The following AKAP13 variants were observed in gnomAD, a reference collection of about 807,000 sequenced individuals.
The protein encoded by AKAP13 is A-kinase anchor protein 13.
In AKAP13, 80 loss-of-function variants were observed where a neutral mutation model predicts 264.5. The observed-to-expected ratio is 0.30, with a 90% CI of 0.25 to 0.36. The LOEUF is 0.36. Among genes scored for constraint, AKAP13 ranks in the 10% least tolerant of loss-of-function variants. The probability of loss-of-function intolerance (pLI) is 1.00; values close to 1 mark genes in which losing one functional copy is unlikely to be tolerated. For missense variants in AKAP13, 3,712 were observed against 3,435.2 expected (o/e 1.08, Z -2.01); for synonymous variants, 1,380 against 1,250.2 (o/e 1.10, Z -2.19).
Position 85,570,786 on chromosome 15 carries a change from A to G in AKAP13, c.663-4345A>G, listed in dbSNP as rs145269489. Among the ~76,000 whole-genome samples the G allele has an allele frequency of 6.3e-3, 961 of 152,220 alleles. 11 individuals are homozygous for G. The highest frequency in any genetic ancestry group is 0.022 in the African/African-American group (900 of 41,508). On this transcript the variant is annotated intron_variant, in intron 5 of 36. Coordinates refer to ENST00000394518, the MANE Select transcript of AKAP13 (RefSeq NM_007200.5). Reference sequence around the variant, plus strand: ...TCGACAGGGTTGAATAAGGATTCCTACCGCTGGAGTGGGGAAGGAGCTAGT... The same window carrying G: ...TCGACAGGGTTGAATAAGGATTCCTGCCGCTGGAGTGGGGAAGGAGCTAGT...
intron 4 of AKAP13, 54 bp downstream of exon 4, chr15:85,533,934 T>G: frequency 6.7e-7 from 1 of 1,497,442 alleles, no homozygotes; most frequent in South Asian, 1.4e-5. Context: ...ATTTCTACTT[T>G]TTTTTTAATG....
chr15:85,729,651 C>G (rs531619187), intron 29 of AKAP13, among the ~76,000 whole-genome samples: 3 of 151,920 alleles, frequency 2.0e-5, no homozygotes, highest in Admixed American at 2.0e-4. Context: ...AAGAAGACAG[C>G]TCAGGCCAGG....
rs1567080738 is a variant in AKAP13, at chr15:85,483,636, A to AC, written c.-11-2074_-11-2073insC. Among the ~76,000 whole-genome samples the AC allele has an allele frequency of 6.4e-3, 888 of 139,054 alleles. 14 individuals carry two copies. Among genetic ancestry groups the AC allele is most frequent in the African/African-American group, 0.023 (823 of 35,606 alleles). 91.2% of individuals were successfully genotyped at this position (139,054 alleles called of 152,430 possible). On this transcript the variant is annotated intron_variant, in intron 1 of 36. Coordinates refer to ENST00000394518, the MANE Select transcript of AKAP13 (RefSeq NM_007200.5). ...CGACAGAGCGAGACTCCGTCTCAAA[A>AC]AAAAAAAAAAAAAAACACCAAAAAA...
Position 85,622,559 on chromosome 15 carries a change from T to A in AKAP13, c.4162-16815T>A, listed in dbSNP as rs544671492. Among the ~76,000 whole-genome samples, 6 of 152,248 alleles carry A rather than the reference T, an allele frequency of 3.9e-5. No homozygotes were observed. In the East Asian group the frequency reaches 1.2e-3, roughly 29 times the overall value. ...TCAGTGTACGTGTTGAAAAGATTAT[T>A]CTGGTAGTAATCGGTTAGCCTGCCG... is the stretch of plus-strand genomic sequence containing the variant. On this transcript the variant is annotated intron_variant, in intron 8 of 36. Coordinates refer to ENST00000394518, the MANE Select transcript of AKAP13 (RefSeq NM_007200.5).
chr15:85,735,723 T>C, intron 32 of AKAP13, 93 bp downstream of exon 32: 1 of 1,199,514 alleles, frequency 8.3e-7, no homozygotes, highest in East Asian at 2.4e-5. Flanking sequence ...TTGTTTTCGA[T>C]GCCTGAATTG....
chr15:85,395,213 T>G (rs969343267), intron 1 of AKAP13, among the ~76,000 whole-genome samples: 1 of 152,190 alleles, frequency 6.6e-6, no homozygotes, highest in African/African-American at 2.4e-5. Flanking sequence ...CATGTATATT[T>G]AATTAAATTT....
chr15:85,561,021 A>G (rs1324829939), intron 5 of AKAP13, among the ~76,000 whole-genome samples: 1 of 148,792 alleles, frequency 6.7e-6, no homozygotes, highest in Non-Finnish European at 1.5e-5. Context: ...TTTTGATTTG[A>G]TAGATGTGAT....
chr15:85,502,078 C>T (rs913398104), intron 2 of AKAP13, among the ~76,000 whole-genome samples: 1 of 152,170 alleles, frequency 6.6e-6, no homozygotes, highest in Admixed American at 6.5e-5. Context: ...TGCTGGGCCA[C>T]ACCCCAGAGT....
intron 1 of AKAP13, among the ~76,000 whole-genome samples, chr15:85,403,754 T>C (rs947255069): frequency 6.7e-6 from 1 of 150,322 alleles, no homozygotes; most frequent in South Asian, 2.1e-4. Context: ...GGCAGGAGAA[T>C]CGCTTGAACC....
chr15:85,390,215 G>C (rs552167609), intron 1 of AKAP13, among the ~76,000 whole-genome samples: 23 of 152,308 alleles, frequency 1.5e-4, no homozygotes, highest in African/African-American at 5.3e-4. Context: ...ATTGAGGGAA[G>C]TAGAAAATAA....
chr15:85,534,539 AT>A (rs1279301691), intron 4 of AKAP13: 2 of 151,804 alleles, frequency 1.3e-5, no homozygotes, highest in African/African-American at 4.8e-5. Context: ...GGTTCAGGTG[AT>A]TCTGCTGCCT....
chr15:85,398,488 G>A (rs757320543), intron 1 of AKAP13, among the ~76,000 whole-genome samples: 62 of 152,086 alleles, frequency 4.1e-4, no homozygotes, highest in Non-Finnish European at 6.9e-4. Flanking sequence ...AGCCATATGT[G>A]GCGTATTTTA....
intron 1 of AKAP13, 77 bp from the exon 2 acceptor site, chr15:85,485,633 C>T (rs1157508302): frequency 3.9e-6 from 5 of 1,297,250 alleles, no homozygotes; most frequent in Middle Eastern, 1.8e-4. Context: ...ATGCTTGACA[C>T]CTAGGACTTT....
Position 85,580,257 on chromosome 15 carries a change from A to G in AKAP13, c.2189A>G (p.Asp730Gly). 6.2e-7 allele frequency: 1 copy of G among 1,614,212 alleles called. No individual in the cohort carries two copies. The change falls in exon 7 of 37, where the codon GAT (aspartate) becomes GGT (glycine). Residue 730 changes from aspartate (D) to glycine (G), a missense_variant. By Grantham distance (94) the Asp-to-Gly change is moderately conservative. Around this residue, in one of 3 missense-constraint regions of AKAP13, gnomAD observed 2,759 missense variants for 2,411.7 expected, o/e 1.14. Coordinates refer to ENST00000394518, the MANE Select transcript of AKAP13 (RefSeq NM_007200.5). ...GTAAGGGATACCCAGGAACGTGCGG[A>G]TTTTTGTCCTTTCAAAGTGGTGGAT... is the stretch of plus-strand genomic sequence containing the variant. Reference protein sequence around the residue: ...DPVRDTQERADFCPFKVVDNK... With the variant: ...DPVRDTQERAGFCPFKVVDNK...
chr15:85,694,311 GAGTTGCTT>G (rs2085450859), intron 17 of AKAP13, among the ~76,000 whole-genome samples: 1 of 152,210 alleles, frequency 6.6e-6, no homozygotes, highest in South Asian at 2.1e-4. Flanking sequence ...TCTCAGGCAG[GAGTTGCTT>G]AACTTTTTCT....
chr15:85,579,415 C>G lies in AKAP13; in HGVS notation c.1347C>G (p.Asp449Glu). Residue 449 changes from aspartate (D) to glutamate (E), a missense_variant, in exon 7 of 37, where the codon GAC (aspartate) becomes GAG (glutamate). By Grantham distance (45) the Asp-to-Glu change is conservative. This residue lies in a region of AKAP13 where 2,759 missense variants were observed against 2,411.7 expected (regional missense o/e 1.14). Coordinates refer to ENST00000394518, the MANE Select transcript of AKAP13 (RefSeq NM_007200.5). ...GTGGAGATGCTGTGCTTCAGAGAGA[C>G]TTGGTCATGGAGCCAGGCACAGCCC... ...LSSGDAVLQRDLVMEPGTAQY... is the reference protein window; with the variant it reads ...LSSGDAVLQRELVMEPGTAQY... 3.1e-6 allele frequency: 5 copies of G among 1,614,138 alleles called. No individual in the cohort carries two copies. Among genetic ancestry groups the G allele is most frequent in the Non-Finnish European group, 4.2e-6 (5 of 1,179,992 alleles).
intron 3 of AKAP13, among the ~76,000 whole-genome samples, chr15:85,526,584 G>A (rs2077051916): frequency 6.6e-6 from 1 of 152,010 alleles, no homozygotes; most frequent in Non-Finnish European, 1.5e-5. Context: ...TTCATTTCTC[G>A]TCAACCAAGA....
At chr15:85,518,324 T>C (rs904140622) in intron 2 of AKAP13, among the ~76,000 whole-genome samples, 1 of 152,208 alleles carries the variant, frequency 6.6e-6, no homozygotes, top group African/African-American at 2.4e-5. Flanking sequence ...AGTTAGTGGC[T>C]GAAATGCAGT....
At chr15:85,422,553 T>C (rs1158444040) in intron 1 of AKAP13, among the ~76,000 whole-genome samples, 1 of 152,244 alleles carries the variant, frequency 6.6e-6, no homozygotes, top group Admixed American at 6.5e-5. Flanking sequence ...TTGTTTTGTT[T>C]TAATAATGGA....
Sources: gnomAD v4.1 joint callset for allele counts (sites outside exome capture counted in the v4.1 genomes callset) on GRCh38, gnomAD v4.1.1 for gene constraint, gnomAD v4.1.1 regional missense constraint, MANE v1.5 for transcripts, NCBI Gene and HGNC (gene_info 2026-07-23, HGNC 2026-07-21) for gene names.